The following ZNF385D variants were observed in gnomAD, a reference collection of about 807,000 sequenced individuals.
ZNF385D encodes the protein zinc finger protein 385D, also known as zinc finger protein 659.
Under a neutral mutation model 35.8 loss-of-function variants are expected in ZNF385D, and 15 were observed. The observed-to-expected ratio is 0.42, with a 90% CI of 0.28 to 0.64. ZNF385D has a LOEUF of 0.64. ZNF385D is among the 30% of genes least tolerant of loss of function. The pLI, the probability that ZNF385D is intolerant of heterozygous loss-of-function variation, is 0.23. For synonymous variants in ZNF385D, 212 were observed against 186.8 expected, an observed-to-expected ratio of 1.13 and a Z score of -1.10; for missense variants, 474 against 494.6, an observed-to-expected ratio of 0.96 and a Z score of 0.39.
intron 1 of ZNF385D, among the ~76,000 whole-genome samples, chr3:21,710,953 C>A (rs2068076558): frequency 6.6e-6 from 1 of 151,738 alleles, no homozygotes. Flanking sequence ...TGATTTTCCC[C>A]ATTCCTTCCT....
At chr3:22,120,510 A>G (rs551834577) in intron 3 of ZNF385D, among the ~76,000 whole-genome samples, 1 of 152,122 alleles carries the variant, frequency 6.6e-6, no homozygotes, top group Non-Finnish European at 1.5e-5. Context: ...CAACATATCT[A>G]CTTGGAAGAG....
chr3:22,047,042 C>T (rs558741760), intron 3 of ZNF385D, among the ~76,000 whole-genome samples: 1 of 152,010 alleles, frequency 6.6e-6, no homozygotes, highest in African/African-American at 2.4e-5. Flanking sequence ...ATAAATTATA[C>T]CAGTAACTGG....
At chr3:22,272,980 A>G (rs1205328138) in intron 2 of ZNF385D, among the ~76,000 whole-genome samples, 4 of 152,010 alleles carry the variant, frequency 2.6e-5, no homozygotes, top group African/African-American at 7.2e-5. Flanking sequence ...ATTTATTACT[A>G]ACTTATTTCC....
chr3:22,069,055 A>G (rs1474239320), intron 3 of ZNF385D, among the ~76,000 whole-genome samples: 1 of 152,200 alleles, frequency 6.6e-6, no homozygotes. Flanking sequence ...CATCTCTAAA[A>G]TTATATGTGT....
intron 2 of ZNF385D, among the ~76,000 whole-genome samples, chr3:21,606,951 A>C (rs2064502199): frequency 6.6e-6 from 1 of 152,152 alleles, no homozygotes; most frequent in South Asian, 2.1e-4. Context: ...GGGATATCCT[A>C]TTCTCTCTCC....
intron 4 of ZNF385D, among the ~76,000 whole-genome samples, chr3:21,455,140 C>A (rs1165044605): frequency 6.6e-6 from 1 of 152,092 alleles, no homozygotes; most frequent in South Asian, 2.1e-4. Context: ...GAATCAATAT[C>A]GTGAAAATGG....
At chr3:22,212,855 A>T (rs1576504325) in intron 2 of ZNF385D, among the ~76,000 whole-genome samples, 2 of 152,040 alleles carry the variant, frequency 1.3e-5, no homozygotes, top group African/African-American at 4.8e-5. Context: ...AGAAATTATT[A>T]AGTAATACTT....
At chr3:22,239,402 G>C (rs1699366379) in intron 2 of ZNF385D, among the ~76,000 whole-genome samples, 1 of 150,916 alleles carries the variant, frequency 6.6e-6, no homozygotes, top group Non-Finnish European at 1.5e-5. Flanking sequence ...TTGTTTTAAA[G>C]TGTCCTAAGC....
At chr3:21,954,618 G>T (rs1022068665) in intron 3 of ZNF385D, among the ~76,000 whole-genome samples, 1 of 151,984 alleles carries the variant, frequency 6.6e-6, no homozygotes, top group African/African-American at 2.4e-5. Flanking sequence ...ATCCTTAATA[G>T]TTATATCCTA....
At chr3:21,885,932 A>G (rs1698524577) in intron 3 of ZNF385D, among the ~76,000 whole-genome samples, 1 of 152,032 alleles carries the variant, frequency 6.6e-6, no homozygotes, top group Admixed American at 6.6e-5. Flanking sequence ...TCTTCAGTTA[A>G]TTGGATAAGG....
chr3:21,424,303 A>T (rs796962118), intron 6 of ZNF385D, among the ~76,000 whole-genome samples: 60 of 62,500 alleles, frequency 9.6e-4, no homozygotes, highest in Middle Eastern at 8.6e-3. Context: ...ATATATATTT[A>T]TATATATATA....
Position 21,414,030 on chromosome 3 carries a change from C to T in ZNF385D, c.*7184G>A, listed in dbSNP as rs1700528519. 6.6e-6 allele frequency: 1 copy of T among 151,948 alleles called. No individual in the cohort carries two copies. Among genetic ancestry groups the T allele is most frequent in the Non-Finnish European group, 1.5e-5 (1 of 67,962 alleles). The allele number at this position is 151,948 out of a possible 1,614,324, so 9.4% of individuals were successfully genotyped here. ...CATACATTGGATAACACTAAATTTT[C>T]CCCGACTGACCACTCTTGGTAGTCG... On this transcript the variant is annotated 3_prime_UTR_variant, in exon 8 of 8. Coordinates refer to ENST00000281523, the MANE Select transcript of ZNF385D (RefSeq NM_024697.3).
intron 3 of ZNF385D, among the ~76,000 whole-genome samples, chr3:22,063,903 C>G (rs779168): frequency 0.66 from 100,916 of 152,086 alleles, 34,331 homozygotes; most frequent in African/African-American, 0.81. Context: ...CAGCAGGACA[C>G]CTTGATTTTC....
intron 3 of ZNF385D, among the ~76,000 whole-genome samples, chr3:21,525,862 A>G (rs1307211637): frequency 1.3e-5 from 2 of 152,114 alleles, no homozygotes; most frequent in Non-Finnish European, 2.9e-5. Flanking sequence ...GAGACATTCC[A>G]ATCTGAAATA....
chr3:22,330,260 T>G (rs1237743768), intron 2 of ZNF385D, among the ~76,000 whole-genome samples: 1 of 152,224 alleles, frequency 6.6e-6, no homozygotes, highest in Non-Finnish European at 1.5e-5. Context: ...ATTTAAGAAT[T>G]TTTAAATGTT....
chr3:21,671,798 G>C (rs1008126995), intron 1 of ZNF385D, among the ~76,000 whole-genome samples: 3 of 152,080 alleles, frequency 2.0e-5, no homozygotes, highest in African/African-American at 7.2e-5. Flanking sequence ...AAGGAAAGAA[G>C]GGTCACATTC....
rs551349557 is a variant in ZNF385D, at chr3:21,640,038, A to T, written c.165+24848T>A. Among the ~76,000 whole-genome samples the T allele has an allele frequency of 3.4e-4, 51 of 152,100 alleles. 2 individuals are homozygous for T. The South Asian group carries it at 9.3e-3, about 28-fold the overall frequency. Reference sequence around the variant, plus strand: ...TTAAAAATTTAAATTGTTAGCCTTAAATTATTTTCAATTTTAAAATCAGAA... The same window carrying T: ...TTAAAAATTTAAATTGTTAGCCTTATATTATTTTCAATTTTAAAATCAGAA... On this transcript the variant is annotated intron_variant, in intron 2 of 7. Transcript: ENST00000281523.
At chr3:21,707,322 T>C (rs73138892) in intron 1 of ZNF385D, among the ~76,000 whole-genome samples, 34 of 152,314 alleles carry the variant, frequency 2.2e-4, no homozygotes, top group African/African-American at 7.5e-4. Flanking sequence ...AGGTGTGGGA[T>C]TGTTTACAGT....
intron 3 of ZNF385D, among the ~76,000 whole-genome samples, chr3:22,138,177 A>G (rs1200186726): frequency 6.6e-6 from 1 of 152,142 alleles, no homozygotes; most frequent in Non-Finnish European, 1.5e-5. Flanking sequence ...GGATACAAAC[A>G]AATGGAAGAA....
Sources: gnomAD v4.1 joint callset for allele counts (sites outside exome capture counted in the v4.1 genomes callset) on GRCh38, gnomAD v4.1.1 for gene constraint, MANE v1.5 for transcripts, NCBI Gene and HGNC (gene_info 2026-07-23, HGNC 2026-07-21) for gene names.